Variants in RPS6KA5 observed in about 807,000 individuals in gnomAD.
The protein encoded by RPS6KA5 is ribosomal protein S6 kinase alpha-5.
In RPS6KA5, 27 loss-of-function variants were observed where a neutral mutation model predicts 85.5. That is an observed-to-expected ratio of 0.32 (90% CI 0.23 to 0.44). The LOEUF is 0.44. Among genes scored for constraint, RPS6KA5 ranks in the 20% least tolerant of loss-of-function variants. The pLI is 1.00. For missense variants in RPS6KA5, 811 were observed against 980.9 expected (o/e 0.83, Z 2.31); for synonymous variants, 334 against 348.2 (o/e 0.96, Z 0.46).
At chr14:90,938,167 C>T (rs2037377323) in intron 5 of RPS6KA5, among the ~76,000 whole-genome samples, 1 of 152,208 alleles carries the variant, frequency 6.6e-6, no homozygotes, top group Non-Finnish European at 1.5e-5. Flanking sequence ...AGGTCCCATG[C>T]AAGTCCAAAA....
At chr14:91,019,068 C>G (rs1174874629) in intron 1 of RPS6KA5, among the ~76,000 whole-genome samples, 1 of 152,056 alleles carries the variant, frequency 6.6e-6, no homozygotes, top group Admixed American at 6.6e-5. Context: ...CACAGGATAG[C>G]TGTATCATGT....
intron 2 of RPS6KA5, among the ~76,000 whole-genome samples, chr14:90,986,462 A>T (rs2040058320): frequency 1.3e-5 from 2 of 152,128 alleles, no homozygotes; most frequent in African/African-American, 4.8e-5. Context: ...AAAAAAAAAA[A>T]ATACGTTAAA....
At chr14:90,885,247 T>C (rs1169747822) in intron 14 of RPS6KA5, among the ~76,000 whole-genome samples, 1 of 141,906 alleles carries the variant, frequency 7.0e-6, no homozygotes, top group Non-Finnish European at 1.5e-5. Context: ...AGCAGGATCT[T>C]GTCTCAAAAA....
intron 1 of RPS6KA5, among the ~76,000 whole-genome samples, chr14:91,004,974 AAAAAAAC>A (rs1174760929): frequency 6.7e-6 from 1 of 149,028 alleles, no homozygotes; most frequent in African/African-American, 2.5e-5. Context: ...CGTCTCAAAA[AAAAAAAC>A]AAAAAAACAA....
rs973936381 is a variant in RPS6KA5, at chr14:90,868,709, G to T, written c.*3365C>A. On this transcript the variant is annotated 3_prime_UTR_variant, in exon 17 of 17. Transcript: ENST00000614987. The stretch of plus-strand genomic sequence containing the variant: ...ATGACAATAACAGGCGCTTGAAATG[G>T]GGGCAAGGTGAATAAGTATCCAGTC... The T allele has an allele frequency of 4.6e-5, 7 of 152,094 alleles. No homozygotes were observed. Among genetic ancestry groups the T allele is most frequent in the African/African-American group, 1.4e-4 (6 of 41,414 alleles). The allele number at this position is 152,094 out of a possible 1,614,324, so 9.4% of individuals were successfully genotyped here. A position where few individuals can be genotyped will look rare whatever the true frequency, so the allele number is the denominator to read the frequency against.
intron 10 of RPS6KA5, 96 bp downstream of exon 10, chr14:90,900,515 A>C (rs2035104981): frequency 7.1e-6 from 9 of 1,272,732 alleles, no homozygotes; most frequent in African/African-American, 4.5e-5. Flanking sequence ...ATTGCACTTT[A>C]GTTGAATTAC....
chr14:90,941,456 CTG>C (rs949207714), intron 5 of RPS6KA5, among the ~76,000 whole-genome samples: 4 of 152,194 alleles, frequency 2.6e-5, no homozygotes, highest in Admixed American at 2.6e-4. Flanking sequence ...TTGCACAGTT[CTG>C]TGTGTCCATT....
intron 1 of RPS6KA5, among the ~76,000 whole-genome samples, chr14:91,042,048 G>T (rs1182486479): frequency 6.6e-6 from 1 of 152,246 alleles, no homozygotes; most frequent in East Asian, 1.9e-4. Flanking sequence ...TAAGAATTCT[G>T]GCATGATCCA....
intron 8 of RPS6KA5, among the ~76,000 whole-genome samples, chr14:90,905,910 C>T (rs906485055): frequency 6.6e-6 from 1 of 152,026 alleles, no homozygotes; most frequent in Non-Finnish European, 1.5e-5. Flanking sequence ...TTATGATCCT[C>T]CCCACTCCCA....
At chr14:90,903,601 A>G (rs2035314775) in intron 8 of RPS6KA5, among the ~76,000 whole-genome samples, 1 of 152,206 alleles carries the variant, frequency 6.6e-6, no homozygotes, top group Admixed American at 6.5e-5. Context: ...CCCATAGAAT[A>G]ATGCAAGCCC....
At chr14:91,030,067 G>A (rs986297968) in intron 1 of RPS6KA5, among the ~76,000 whole-genome samples, 1 of 152,160 alleles carries the variant, frequency 6.6e-6, no homozygotes, top group Non-Finnish European at 1.5e-5. Flanking sequence ...CTGTTCATGT[G>A]AGCAAGCTAA....
intron 1 of RPS6KA5, among the ~76,000 whole-genome samples, chr14:91,016,108 C>A (rs2139767751): frequency 6.6e-6 from 1 of 152,320 alleles, no homozygotes; most frequent in South Asian, 2.1e-4. Flanking sequence ...GTGTAACCCA[C>A]TCCCCTGAAA....
chr14:91,042,369 G>A (rs1224429890), intron 1 of RPS6KA5, among the ~76,000 whole-genome samples: 1 of 152,032 alleles, frequency 6.6e-6, no homozygotes, highest in Non-Finnish European at 1.5e-5. Flanking sequence ...AAAATTAGCT[G>A]GGCTTGGTGG....
intron 1 of RPS6KA5, among the ~76,000 whole-genome samples, chr14:91,029,313 C>T (rs2042097395): frequency 6.6e-6 from 1 of 152,126 alleles, no homozygotes; most frequent in Non-Finnish European, 1.5e-5. Context: ...AAAAAGCTTA[C>T]ACTTTACTAA....
chr14:91,046,800 A>C (rs1388763530), intron 1 of RPS6KA5, among the ~76,000 whole-genome samples: 3 of 151,330 alleles, frequency 2.0e-5, no homozygotes, highest in Non-Finnish European at 4.4e-5. Flanking sequence ...AAGTGCTTCT[A>C]ATTAATCAGA....
At chr14:91,020,533 ACTGTGTGTGTGTGT>A (rs1257049893) in intron 1 of RPS6KA5, among the ~76,000 whole-genome samples, 7 of 77,486 alleles carry the variant, frequency 9.0e-5, no homozygotes, top group African/African-American at 3.6e-4. Context: ...CTAAGGAATG[ACTGTGTGTGTGTGT>A]GTGTGTGTGT....
At chr14:90,961,562 T>A (rs1020245425) in intron 3 of RPS6KA5, among the ~76,000 whole-genome samples, 3 of 152,176 alleles carry the variant, frequency 2.0e-5, no homozygotes, top group Admixed American at 2.0e-4. Flanking sequence ...ATTCTATATA[T>A]CTTATATAAT....
chr14:90,950,154 CTTTT>C (rs1426799561), intron 3 of RPS6KA5, among the ~76,000 whole-genome samples: 1 of 152,138 alleles, frequency 6.6e-6, no homozygotes, highest in Non-Finnish European at 1.5e-5. Flanking sequence ...TTTTGTACTT[CTTTT>C]GTTAAATTTA....
chr14:90,933,709 A>G (rs1566759310), intron 5 of RPS6KA5, among the ~76,000 whole-genome samples: 1 of 152,184 alleles, frequency 6.6e-6, no homozygotes, highest in African/African-American at 2.4e-5. Flanking sequence ...CATTTTGTGC[A>G]GGGAAGAAGC....
Sources: gnomAD v4.1 joint callset for allele counts (sites outside exome capture counted in the v4.1 genomes callset) on GRCh38, gnomAD v4.1.1 for gene constraint, MANE v1.5 for transcripts, NCBI Gene and HGNC (gene_info 2026-07-23, HGNC 2026-07-21) for gene names.